MON1B: variants seen among roughly 807,000 people sequenced by gnomAD.
MON1B encodes MON1 vesicular trafficking associated B.
A neutral mutation model predicts 45.1 loss-of-function variants in MON1B; 26 were observed. The observed-to-expected ratio is 0.58, with a 90% CI of 0.42 to 0.80. The LOEUF (loss-of-function observed/expected upper bound fraction) is 0.80. Among genes scored for constraint, MON1B ranks in the 30% least tolerant of loss-of-function variants. The probability of loss-of-function intolerance (pLI) is 0.00; values close to 1 mark genes in which losing one functional copy is unlikely to be tolerated. For synonymous variants in MON1B, 395 were observed against 320.2 expected (o/e 1.23, Z -2.49); for missense variants, 737 against 754.5 (o/e 0.98, Z 0.27).
At position 77,195,101 on chromosome 16, in the gene MON1B, G is replaced by T. The variant is rs776672829; in HGVS notation, c.1242G>T (p.Leu414=). Residue 414 remains leucine, a synonymous_variant, in exon 4 of 6, where the codon CTG becomes CTT. Transcript: ENST00000248248. ...AVGAPGLRHF[L]YKPLDIPDHH... Reference sequence around the variant, plus strand: ...GGGCGCCGGGCCTCCGGCACTTCCTGTATAAGCCGCTGGACATCCCTGACC... The same window carrying T: ...GGGCGCCGGGCCTCCGGCACTTCCTTTATAAGCCGCTGGACATCCCTGACC... The T allele has an allele frequency of 1.9e-6, 3 of 1,601,036 alleles. No individual in the cohort carries two copies. The highest frequency in any genetic ancestry group is 2.5e-6 in the Non-Finnish European group (3 of 1,179,672).
Position 77,195,604 on chromosome 16 carries a change from G to T in MON1B, c.1365G>T (p.Leu455=), listed in dbSNP as rs914161600. The stretch of plus-strand genomic sequence containing the variant: ...GGCTGTCGGACCTGTACCACCGCCT[G>T]CATGCTCGTCTCCACAGCACCTCCC... ...RQRLSDLYHR[L]HARLHSTSRP... is the part of the protein sequence containing the mutation. Residue 455 remains leucine (L), a synonymous_variant, in exon 5 of 6, where the codon CTG becomes CTT. Coordinates refer to ENST00000248248, the MANE Select transcript of MON1B (RefSeq NM_014940.4). The T allele has an allele frequency of 1.4e-5, 23 of 1,614,164 alleles. No individual in the cohort carries two copies. The East Asian group carries it at 4.9e-4, about 34-fold the overall frequency.
chr16:77,192,835 G>T (rs924785605), intron 2 of MON1B, among the ~76,000 whole-genome samples: 45 of 152,076 alleles, frequency 3.0e-4, no homozygotes. Flanking sequence ...GTGAATAGTG[G>T]ATTAGGGGAG....
In MON1B at chr16:77,191,575, A is replaced by C. The variant is rs1481235905; in HGVS notation, c.90A>C (p.Glu30Asp). 1.2e-6 allele frequency: 2 copies of C among 1,609,824 alleles called. No homozygotes were observed. The highest frequency in any genetic ancestry group is 2.2e-5 in the East Asian group (1 of 44,822). Residue 30 changes from glutamate to aspartate, a missense_variant, in exon 2 of 6, where the codon GAA becomes GAC. Physicochemically the swap from Glu to Asp is conservative, Grantham distance 45. Transcript: ENST00000248248. ...DTQFPSEEAR[E>D]GGGVHAVPPD... ...AGTTCCCCAGTGAGGAAGCTAGAGA[A>C]GGTGGAGGGGTTCACGCGGTCCCGC...
rs1040621061 is a variant in MON1B at position 77,199,839 on chromosome 16, C to T, written c.*1531C>T. ...ATAACAATCACCGTGCTGCAGCCAC[C>T]CCTTATTAACAGTAATTCCCAGTGT... On this transcript the variant is annotated 3_prime_UTR_variant, in exon 6 of 6. Coordinates refer to ENST00000248248, the MANE Select transcript of MON1B (RefSeq NM_014940.4). 9.1e-6 allele frequency: 2 copies of T among 218,696 alleles called. No individual in the cohort carries two copies. The highest frequency in any genetic ancestry group is 1.8e-5 in the Non-Finnish European group (2 of 111,388). 13.5% of individuals were successfully genotyped at this position (218,696 alleles called of 1,614,324 possible).
In MON1B at chr16:77,193,976, T is replaced by G; in HGVS notation, c.475+199T>G. On this transcript the variant is annotated intron_variant, in intron 3 of 5. Coordinates refer to ENST00000248248, the MANE Select transcript of MON1B (RefSeq NM_014940.4). This position sits in a 1 kb window ranked among gnomAD's most constrained non-coding sequence, Gnocchi z 5.0. ...CCTGCTGGTTTCTTAGTGATTGACT[T>G]GCTGGGATCTCAGTGACTAGCTGGA... 1.6e-6 allele frequency: 1 copy of G among 620,718 alleles called. No homozygotes were observed. Among genetic ancestry groups the G allele is most frequent in the Non-Finnish European group, 2.8e-6 (1 of 356,026 alleles). 38.5% of individuals were successfully genotyped at this position (620,718 alleles called of 1,614,324 possible).
rs2054748188 is a variant in MON1B, at chr16:77,201,966, T to C, written c.*3658T>C. ...ATGTTGCACAGAAAAAGTATCTGAA[T>C]GATAAAGGCCTAAGTGATAACTCTG... On this transcript the variant is annotated 3_prime_UTR_variant, in exon 6 of 6. Coordinates refer to ENST00000248248, the MANE Select transcript of MON1B (RefSeq NM_014940.4). 6.6e-6 allele frequency: 1 copy of C among 152,154 alleles called. No individual in the cohort carries two copies. The highest frequency in any genetic ancestry group is 2.1e-4 in the South Asian group (1 of 4,822). The allele number at this position is 152,154 out of a possible 1,614,324, so 9.4% of individuals were successfully genotyped here. A position where few individuals can be genotyped will look rare whatever the true frequency, so the allele number is the denominator to read the frequency against.
chr16:77,195,445 T>A, intron 4 of MON1B, 90 bp from the exon 5 acceptor site: 1 of 1,432,446 alleles, frequency 7.0e-7, no homozygotes, highest in South Asian at 1.4e-5. Flanking sequence ...GCTCCCTAAC[T>A]TCATTGAAAT....
At chr16:77,197,182 G>A (rs999632030) in intron 5 of MON1B, among the ~76,000 whole-genome samples, 1 of 152,070 alleles carries the variant, frequency 6.6e-6, no homozygotes, top group Non-Finnish European at 1.5e-5. Flanking sequence ...CGAGTCACAA[G>A]GTCAGGAGTT....
chr16:77,198,533 T>G lies in MON1B; in HGVS notation c.*225T>G, dbSNP rs1284678114. ...TGCACCTCCCCCTCTGGGGAAATCC[T>G]TAGGCCTCCCTCTCCCTTCCCTCTG... On this transcript the variant is annotated 3_prime_UTR_variant, in exon 6 of 6. Transcript: ENST00000248248. 1 of 580,122 alleles carries G rather than the reference T, an allele frequency of 1.7e-6. No individual in the cohort carries two copies. Among genetic ancestry groups the G allele is most frequent in the Non-Finnish European group, 3.1e-6 (1 of 325,358 alleles). 35.9% of individuals were successfully genotyped at this position (580,122 alleles called of 1,614,324 possible).
In MON1B at chr16:77,199,465, T is replaced by G; in HGVS notation, c.*1157T>G. ...CCGCGTTGGAAAATGGCGGGGAAGC[T>G]GAAACCTCTGAATGTGGAGGCGCCA... On this transcript the variant is annotated 3_prime_UTR_variant, in exon 6 of 6. Coordinates refer to ENST00000248248, the MANE Select transcript of MON1B (RefSeq NM_014940.4). The G allele has an allele frequency of 6.4e-7, 1 of 1,551,438 alleles. No homozygotes were observed. Among genetic ancestry groups the G allele is most frequent in the Non-Finnish European group, 8.7e-7 (1 of 1,146,964 alleles).
chr16:77,196,412 G>A (rs929382091), intron 5 of MON1B, among the ~76,000 whole-genome samples: 5 of 152,138 alleles, frequency 3.3e-5, no homozygotes, highest in Admixed American at 6.5e-5. Flanking sequence ...TGAAAACCAC[G>A]CCTGGTCAGA....
intron 2 of MON1B, among the ~76,000 whole-genome samples, chr16:77,192,363 T>C (rs1400809446): frequency 2.0e-5 from 3 of 152,202 alleles, no homozygotes; most frequent in Admixed American, 2.0e-4. Context: ...TGAATGTCAG[T>C]GACAGAATAT....
chr16:77,194,285 G>A lies in MON1B; in HGVS notation c.476-50G>A. The A allele has an allele frequency of 6.6e-7, 1 of 1,512,598 alleles. No homozygotes were observed. Among genetic ancestry groups the A allele is most frequent in the East Asian group, 2.3e-5 (1 of 44,398 alleles). 93.7% of individuals were successfully genotyped at this position (1,512,598 alleles called of 1,614,324 possible). A position where few individuals can be genotyped will look rare whatever the true frequency, so the allele number is the denominator to read the frequency against. ...AGAAGAGCCCCACTGTCTCCCTCTG[G>A]TCATTCCTGATCCAGCTGTACCCCC... is the stretch of plus-strand genomic sequence containing the variant. On this transcript the variant is annotated intron_variant, in intron 3 of 5. Transcript: ENST00000248248. The surrounding 1 kb of genome is among the most constrained non-coding windows in gnomAD (Gnocchi z 8.1).
Position 77,194,273 on chromosome 16 carries a change from TGTCTCCCTCTG to T in MON1B, c.476-58_476-48del, listed in dbSNP as rs1379218125. The stretch of plus-strand genomic sequence containing the variant: ...GTAGGAGAGGGCAGAAGAGCCCCAC[TGTCTCCCTCTG>T]GTCATTCCTGATCCAGCTGTACCCC... On this transcript the variant is annotated intron_variant, in intron 3 of 5. Transcript: ENST00000248248. This position sits in a 1 kb window ranked among gnomAD's most constrained non-coding sequence, Gnocchi z 8.1. The T allele has an allele frequency of 1.4e-6, 2 of 1,434,806 alleles. No homozygotes were observed. Among genetic ancestry groups the T allele is most frequent in the Middle Eastern group, 1.7e-4 (1 of 5,728 alleles). The allele number at this position is 1,434,806 out of a possible 1,614,324, so 88.9% of individuals were successfully genotyped here. A position where few individuals can be genotyped will look rare whatever the true frequency, so the allele number is the denominator to read the frequency against.
intron 5 of MON1B, 53 bp from the exon 6 acceptor site, chr16:77,198,055 T>C (rs1017367412): frequency 4.5e-6 from 7 of 1,561,302 alleles, no homozygotes; most frequent in Non-Finnish European, 6.2e-6. Context: ...GTAGGCAGGA[T>C]TGTCCATAGC....
rs535689958 is a variant in MON1B at position 77,195,599 on chromosome 16, C to T, written c.1360C>T (p.Arg454Cys). 67 of 1,614,164 alleles carry T rather than the reference C, an allele frequency of 4.2e-5. No homozygotes were observed. The highest frequency in any genetic ancestry group is 3.1e-4 in the South Asian group (28 of 91,080). The change falls in exon 5 of 6, where the codon CGC (arginine) becomes TGC (cysteine). Residue 454 changes from arginine (R) to cysteine (C), a missense_variant. Coordinates refer to ENST00000248248, the MANE Select transcript of MON1B (RefSeq NM_014940.4). ...GCAGCGGCTGTCGGACCTGTACCAC[C>T]GCCTGCATGCTCGTCTCCACAGCAC... ...ERQRLSDLYH[R>C]LHARLHSTSR...
chr16:77,191,704 A>T (rs559307933), intron 2 of MON1B, 71 bp downstream of exon 2: 33 of 1,522,402 alleles, frequency 2.2e-5, no homozygotes, highest in Middle Eastern at 3.4e-4. Flanking sequence ...GGGAAGGGTC[A>T]GTGGGTGACC....
rs2054718045 is a variant in MON1B, at chr16:77,200,230, GTGTATATATATATATATGTATA to G, written c.*1926_*1947del. The G allele has an allele frequency of 1.5e-5, 2 of 134,090 alleles. No homozygotes were observed. The highest frequency in any genetic ancestry group is 2.3e-4 in the South Asian group (1 of 4,390). The allele number at this position is 134,090 out of a possible 1,614,324, so 8.3% of individuals were successfully genotyped here. ...TATTTATATGTATGTATGTATGTGTGTGTATATATATATATATGTATATGTGTATATATATATATATGTGTAT... is the reference window on the plus strand; with the variant it reads ...TATTTATATGTATGTATGTATGTGTGTGTGTATATATATATATATGTGTAT... On this transcript the variant is annotated 3_prime_UTR_variant, in exon 6 of 6. Transcript: ENST00000248248.
Position 77,193,696 on chromosome 16 carries a change from C to T in MON1B, c.394C>T (p.Leu132=), listed in dbSNP as rs768855959. ...CTCGCGGTATGGTAGTGTGGAGGCG[C>T]TGTCGGCTACCATGGGTGTAATGAC... ...IYSRYGSVEA[L]SATMGVMTAL... The change falls in exon 3 of 6, where the codon CTG becomes TTG. Residue 132 remains leucine, a synonymous_variant. Transcript: ENST00000248248. The surrounding 1 kb of genome is among the most constrained non-coding windows in gnomAD (Gnocchi z 5.0). 63 of 1,613,912 alleles carry T rather than the reference C, an allele frequency of 3.9e-5. No homozygotes were observed. Among genetic ancestry groups the T allele is most frequent in the Non-Finnish European group, 5.3e-5 (63 of 1,179,956 alleles).
Sources: allele counts gnomAD v4.1 joint callset (sites outside exome capture counted in the v4.1 genomes callset), GRCh38; gene constraint gnomAD v4.1.1; non-coding constraint Gnocchi (gnomAD v3.1); transcripts MANE v1.5; gene names NCBI Gene and HGNC (gene_info 2026-07-23, HGNC 2026-07-21).